OXNAD1: variants seen among roughly 807,000 people sequenced by gnomAD.
OXNAD1 encodes the protein oxidoreductase NAD-binding domain-containing protein 1.
OXNAD1 carries 34 observed loss-of-function variants against 32.9 expected under a neutral mutation model. The observed-to-expected ratio is 1.03, with a 90% CI of 0.79 to 1.38. The LOEUF (loss-of-function observed/expected upper bound fraction) is 1.38, where lower values mean the gene tolerates loss of function less well. Among genes scored for constraint, OXNAD1 ranks in the 40% most tolerant of loss-of-function variants. OXNAD1 has a pLI of 0.00. For missense variants in OXNAD1, 407 were observed against 379.4 expected, an observed-to-expected ratio of 1.07 and a Z score of -0.60; for synonymous variants, 134 against 135.2, an observed-to-expected ratio of 0.99 and a Z score of 0.06.
intron 9 of OXNAD1, among the ~76,000 whole-genome samples, chr3:16,333,600 A>AG: frequency 6.6e-6 from 1 of 152,352 alleles, no homozygotes; most frequent in Middle Eastern, 3.4e-3. Flanking sequence ...GAACACTGGA[A>AG]GGCCTTTCTA....
Position 16,273,384 on chromosome 3 carries a change from GTT to G in OXNAD1, c.183+1679_183+1680del, listed in dbSNP as rs34572763. Among the ~76,000 whole-genome samples, 316 of 121,002 alleles carry G rather than the reference GTT, an allele frequency of 2.6e-3. 2 individuals are homozygous for G. Among genetic ancestry groups the G allele is most frequent in the African/African-American group, 9.0e-3 (281 of 31,198 alleles). The allele number at this position is 121,002 out of a possible 152,430, so 79.4% of individuals were successfully genotyped here. On this transcript the variant is annotated intron_variant, in intron 4 of 8. Transcript: ENST00000285083. ...GATAGATAGTTAATAGTATTTTCTTGTTTTTTTTTTTTTTTTTTGAGACAGAG... is the reference window on the plus strand; with the variant it reads ...GATAGATAGTTAATAGTATTTTCTTGTTTTTTTTTTTTTTTTGAGACAGAG...
rs1165424076 is a variant in OXNAD1 at position 16,322,621 on chromosome 3, C to T, written c.*31-14491C>T. Among the ~76,000 whole-genome samples, 1 of 152,180 alleles carries T rather than the reference C, an allele frequency of 6.6e-6. No individual in the cohort carries two copies. Among genetic ancestry groups the T allele is most frequent in the African/African-American group, 2.4e-5 (1 of 41,448 alleles). On this transcript the variant is annotated intron_variant, in intron 9 of 9. Coordinates refer to the OXNAD1 transcript ENST00000435829. This position sits in a 1 kb window ranked among gnomAD's most constrained non-coding sequence, Gnocchi z 6.2. Reference sequence around the variant, plus strand: ...GGTGAAAATGTCCTCAGGAAAAGCACCACAGGCTGCTCAGGGTGGGGTGGG... The same window carrying T: ...GGTGAAAATGTCCTCAGGAAAAGCATCACAGGCTGCTCAGGGTGGGGTGGG...
intron 9 of OXNAD1, among the ~76,000 whole-genome samples, chr3:16,326,009 C>A (rs894915333): frequency 6.6e-6 from 1 of 152,228 alleles, no homozygotes; most frequent in South Asian, 2.1e-4. Context: ...GTTTCTGCCA[C>A]TTACTGGCTG....
rs1238081787 is a variant in OXNAD1, at chr3:16,301,924, T to G, written c.675+56T>G. Reference sequence around the variant, plus strand: ...CTTGTGTAGTGGTATTAATTGTTCATGAAAGTTTTTTCTCTAGGTTTTGTT... The same window carrying G: ...CTTGTGTAGTGGTATTAATTGTTCAGGAAAGTTTTTTCTCTAGGTTTTGTT... On this transcript the variant is annotated intron_variant, in intron 7 of 8. Coordinates refer to ENST00000285083, the MANE Select transcript of OXNAD1 (RefSeq NM_138381.5). This position sits in a 1 kb window ranked among gnomAD's most constrained non-coding sequence, Gnocchi z 4.1. 3.2e-6 allele frequency: 5 copies of G among 1,558,894 alleles called. No individual in the cohort carries two copies. The highest frequency in any genetic ancestry group is 4.3e-6 in the Non-Finnish European group (5 of 1,154,532).
rs1575211603 is a variant in OXNAD1 at position 16,317,133 on chromosome 3, C to T, written c.*30+13541C>T. 2 of 1,613,818 alleles carry T rather than the reference C, an allele frequency of 1.2e-6. No homozygotes were observed. Among genetic ancestry groups the T allele is most frequent in the South Asian group, 1.1e-5 (1 of 91,070 alleles). On this transcript the variant is annotated intron_variant, in intron 9 of 9. Transcript: ENST00000435829. This position sits in a 1 kb window ranked among gnomAD's most constrained non-coding sequence, Gnocchi z 4.3. The stretch of plus-strand genomic sequence containing the variant: ...GAAGACTGGTCTTCTAAGTTCTTCT[C>T]ATTTTCTTCTGCTTGTTGTTTGTCT...
In OXNAD1 at chr3:16,324,620, C is replaced by CCCA. The variant is rs971398885; in HGVS notation, c.*31-12490_*31-12489insACC. ...AATAACAGAATGTCCCTGACCCCCC[C>CCCA]CCTTTTAAGGTTGCATAGTATTCCA... On this transcript the variant is annotated intron_variant, in intron 9 of 9. Coordinates refer to the OXNAD1 transcript ENST00000435829. Among the ~76,000 whole-genome samples the CCCA allele has an allele frequency of 1.4e-5, 2 of 142,888 alleles. 1 individual carries two copies. Among genetic ancestry groups the CCCA allele is most frequent in the African/African-American group, 5.2e-5 (2 of 38,360 alleles). The allele number at this position is 142,888 out of a possible 152,430, so 93.7% of individuals were successfully genotyped here.
At chr3:16,319,225 C>T (rs1450059848) in intron 9 of OXNAD1, among the ~76,000 whole-genome samples, 1 of 152,110 alleles carries the variant, frequency 6.6e-6, no homozygotes, top group East Asian at 1.9e-4. Flanking sequence ...TGAAGCCTAC[C>T]TGTGTAGTAT....
intron 5 of OXNAD1, 132 bp from the exon 6 acceptor site, chr3:16,294,721 GTGA>G: frequency 2.4e-6 from 2 of 828,056 alleles, no homozygotes; most frequent in Admixed American, 3.2e-5. Context: ...TATAAGCTTT[GTGA>G]TGATATCTCC....
rs775864078 is a variant in OXNAD1 at position 16,316,976 on chromosome 3, C to T, written c.*30+13384C>T. On this transcript the variant is annotated intron_variant, in intron 9 of 9. Coordinates refer to the OXNAD1 transcript ENST00000435829. The surrounding 1 kb of genome is among the most constrained non-coding windows in gnomAD (Gnocchi z 4.5). ...ATTCTGCACAGCCTCACCCTCCACA[C>T]CCACCCCACACAGCAGGCCACCAGG... 1 of 1,614,036 alleles carries T rather than the reference C, an allele frequency of 6.2e-7. No homozygotes were observed. The highest frequency in any genetic ancestry group is 1.1e-5 in the South Asian group (1 of 91,080).
chr3:16,274,141 C>T (rs1289451883), intron 4 of OXNAD1, among the ~76,000 whole-genome samples: 2 of 147,820 alleles, frequency 1.4e-5, no homozygotes, highest in East Asian at 2.0e-4. Flanking sequence ...TGCTTTCCCC[C>T]TTCCAATAAA....
rs2070901023 is a variant in OXNAD1 at position 16,336,855 on chromosome 3, T to TA, written c.*31-251dup. Among the ~76,000 whole-genome samples the TA allele has an allele frequency of 6.6e-6, 1 of 152,042 alleles. No individual in the cohort carries two copies. The highest frequency in any genetic ancestry group is 2.1e-4 in the South Asian group (1 of 4,804). On this transcript the variant is annotated intron_variant, in intron 9 of 9. Transcript: ENST00000435829. The surrounding 1 kb of genome is among the most constrained non-coding windows in gnomAD (Gnocchi z 6.0). ...GTAGCCTTTTAGGAGCTCAACGAAA[T>TA]AAAAAATAATAATTGTTATTATTAC...
chr3:16,270,273 G>T (rs771056253), intron 2 of OXNAD1, among the ~76,000 whole-genome samples: 1 of 152,182 alleles, frequency 6.6e-6, no homozygotes, highest in Non-Finnish European at 1.5e-5. Flanking sequence ...TAGAATAAAA[G>T]AATATCTGTT....
rs1344991462 is a variant in OXNAD1, at chr3:16,321,820, A to G, written c.*31-15292A>G. Among the ~76,000 whole-genome samples, 1 of 152,188 alleles carries G rather than the reference A, an allele frequency of 6.6e-6. No homozygotes were observed. Among genetic ancestry groups the G allele is most frequent in the African/African-American group, 2.4e-5 (1 of 41,432 alleles). The stretch of plus-strand genomic sequence containing the variant: ...AATTTTCCCTGAGGAGAGTCAGTTC[A>G]ACCTTATTACAGCAGCTTTTACAAA... On this transcript the variant is annotated intron_variant, in intron 9 of 9. Coordinates refer to the OXNAD1 transcript ENST00000435829. This position sits in a 1 kb window ranked among gnomAD's most constrained non-coding sequence, Gnocchi z 4.8.
downstream of OXNAD1, among the ~76,000 whole-genome samples, chr3:16,350,847 A>G (rs2072049780): frequency 6.6e-6 from 1 of 152,244 alleles, no homozygotes. Context: ...ATTATCTTGG[A>G]GAAACTGTGG....
downstream of OXNAD1, among the ~76,000 whole-genome samples, chr3:16,351,610 G>A (rs866071012): frequency 8.5e-5 from 13 of 152,138 alleles, no homozygotes; most frequent in South Asian, 2.1e-4. This position sits in a 1 kb window ranked among gnomAD's most constrained non-coding sequence, Gnocchi z 5.4. Flanking sequence ...TCAAGTCCTC[G>A]CAGGTAGCAG....
intron 1 of OXNAD1, 135 bp from the exon 2 acceptor site, chr3:16,268,991 G>T (rs2064748468): frequency 1.7e-6 from 1 of 580,358 alleles, no homozygotes; most frequent in Admixed American, 4.3e-5. Flanking sequence ...GGATGGAGAG[G>T]GGGTAATTGA....
In OXNAD1 at chr3:16,289,901, GTTCA is replaced by G. The variant is rs768696789; in HGVS notation, c.290+3456_290+3459del. 6.6e-6 allele frequency among the ~76,000 whole-genome samples: 1 copy of G among 152,166 alleles called. No homozygotes were observed. The highest frequency in any genetic ancestry group is 1.5e-5 in the Non-Finnish European group (1 of 68,040). On this transcript the variant is annotated intron_variant, in intron 5 of 8. Coordinates refer to ENST00000285083, the MANE Select transcript of OXNAD1 (RefSeq NM_138381.5). This position sits in a 1 kb window ranked among gnomAD's most constrained non-coding sequence, Gnocchi z 4.9. ...GTTAATTTTCCTCCTCTTAGAGTGG[GTTCA>G]TTGAGGGCAGCAACTAAGACATATG...
chr3:16,306,955 T>C (rs2067604823), downstream of OXNAD1, among the ~76,000 whole-genome samples: 1 of 152,232 alleles, frequency 6.6e-6, no homozygotes, highest in Non-Finnish European at 1.5e-5. Flanking sequence ...TTAGCAGCCA[T>C]TGATCATTGC....
Position 16,301,630 on chromosome 3 carries a change from C to T in OXNAD1, c.437C>T (p.Thr146Ile), listed in dbSNP as rs374656917. ...GTCTTTTCTTTCCTGCCTTAGTGTA[C>T]ACTTGACTGTGAAGTGGCTGTGAGA... The part of the protein sequence containing the change: ...PPALWVHNTC[T>I]LDCEVAVRVG... The change falls in exon 7 of 9, where the codon ACA (threonine) becomes ATA (isoleucine). Residue 146 changes from threonine to isoleucine, a missense_variant. By Grantham distance (89) the Thr-to-Ile change is moderately conservative. Transcript: ENST00000285083. This position sits in a 1 kb window ranked among gnomAD's most constrained non-coding sequence, Gnocchi z 4.1. 44 of 1,613,800 alleles carry T rather than the reference C, an allele frequency of 2.7e-5. No individual in the cohort carries two copies. The highest frequency in any genetic ancestry group is 3.5e-5 in the Non-Finnish European group (41 of 1,179,926).
Sources: allele counts gnomAD v4.1 joint callset (sites outside exome capture counted in the v4.1 genomes callset), GRCh38; gene constraint gnomAD v4.1.1; non-coding constraint Gnocchi (gnomAD v3.1); transcripts MANE v1.5; gene names NCBI Gene and HGNC (gene_info 2026-07-23, HGNC 2026-07-21).